The following CLNK variants were observed in gnomAD, a reference collection of about 807,000 sequenced individuals.
CLNK encodes the protein cytokine-dependent hematopoietic cell linker.
CLNK carries 74 observed loss-of-function variants against 68.6 expected under a neutral mutation model. The observed-to-expected ratio is 1.08, with a 90% CI of 0.89 to 1.31. The LOEUF is 1.31. Among genes scored for constraint, CLNK ranks in the 50% most tolerant of loss-of-function variants. The probability of loss-of-function intolerance (pLI) is 0.00; values close to 1 mark genes in which losing one functional copy is unlikely to be tolerated. For synonymous variants in CLNK, 198 were observed against 172.2 expected (o/e 1.15, Z -1.17); for missense variants, 553 against 515.3 (o/e 1.07, Z -0.71).
chr4:10,629,502 G>C (rs1373218493), intron 2 of CLNK, among the ~76,000 whole-genome samples: 1 of 152,210 alleles, frequency 6.6e-6, no homozygotes, highest in Non-Finnish European at 1.5e-5. Flanking sequence ...GGGATCAGAA[G>C]TGGGCACAGC....
At position 10,584,929 on chromosome 4, in the gene CLNK, G is replaced by A; in HGVS notation, c.110C>T (p.Thr37Ile). Residue 37 changes from threonine (T) to isoleucine (I), a missense_variant and splice_region_variant, in exon 4 of 19, where the codon ACA becomes ATA. By Grantham distance (89) the Thr-to-Ile change is moderately conservative. Coordinates refer to ENST00000226951, the MANE Select transcript of CLNK (RefSeq NM_052964.4). ...NRSWPRINSA[T>I]GQYQRMNKPL... ...GGTGACAGAGAGCCCCGACTCACCT[G>A]TGGCACTATTGATGCGAGGCCATGA... is the stretch of plus-strand genomic sequence containing the variant. 1 of 1,613,808 alleles carries A rather than the reference G, an allele frequency of 6.2e-7. No individual in the cohort carries two copies. The highest frequency in any genetic ancestry group is 1.1e-5 in the South Asian group (1 of 90,996).
chr4:10,702,521 C>A, the CLNK span, among the ~76,000 whole-genome samples: 80 of 152,306 alleles, frequency 5.3e-4, no homozygotes, highest in South Asian at 1.0e-3. Flanking sequence ...GAAAGAAGTG[C>A]TGACAGGCAG....
At chr4:10,628,328 T>G (rs1722757263) in intron 2 of CLNK, among the ~76,000 whole-genome samples, 1 of 150,214 alleles carries the variant, frequency 6.7e-6, no homozygotes, top group South Asian at 2.1e-4. Flanking sequence ...TTTTTTTCAC[T>G]CTTTGCTGAA....
intron 2 of CLNK, chr4:10,635,934 C>T (rs370269951): frequency 3.9e-5 from 6 of 152,328 alleles, no homozygotes; most frequent in South Asian, 2.1e-4. Flanking sequence ...GCATAAGACG[C>T]GTTCTCTGCA....
intron 2 of CLNK, among the ~76,000 whole-genome samples, chr4:10,604,582 CTT>C (rs11319798): frequency 6.4e-5 from 9 of 141,368 alleles, no homozygotes; most frequent in African/African-American, 1.0e-4. Context: ...CTTGTCACAG[CTT>C]TTTTTTTTTT....
intron 2 of CLNK, among the ~76,000 whole-genome samples, chr4:10,659,078 C>G (rs1041182602): frequency 6.6e-6 from 1 of 152,146 alleles, no homozygotes; most frequent in Non-Finnish European, 1.5e-5. Flanking sequence ...GTGGTAGGCA[C>G]CTGTAATCCC....
At chr4:10,637,929 A>G (rs574674450) in intron 2 of CLNK, among the ~76,000 whole-genome samples, 2 of 150,958 alleles carry the variant, frequency 1.3e-5, no homozygotes, top group Admixed American at 6.6e-5. Flanking sequence ...TTTATTGCCT[A>G]CTCTCTTAAA....
At chr4:10,531,287 A>G (rs1317413347) in intron 12 of CLNK, 1 of 152,640 alleles carries the variant, frequency 6.6e-6, no homozygotes, top group East Asian at 1.9e-4. Flanking sequence ...GGAAGGCTCT[A>G]CTATAGGTTT....
In CLNK at chr4:10,525,703, G is replaced by A. The variant is rs929289122; in HGVS notation, c.731+138C>T. On this transcript the variant is annotated intron_variant, in intron 14 of 18. Coordinates refer to ENST00000226951, the MANE Select transcript of CLNK (RefSeq NM_052964.4). ...CATCAATAACAGCTGTGATTCACAA[G>A]TTTCTCTTGAGCCTCATTATTGGGC... 8 of 580,074 alleles carry A rather than the reference G, an allele frequency of 1.4e-5. No homozygotes were observed. The African/African-American group carries it at 1.5e-4, about 11-fold the overall frequency. 35.9% of individuals were successfully genotyped at this position (580,074 alleles called of 1,614,324 possible).
At chr4:10,504,875 A>T (rs1014318618) in intron 17 of CLNK, among the ~76,000 whole-genome samples, 2 of 152,238 alleles carry the variant, frequency 1.3e-5, no homozygotes, top group Non-Finnish European at 2.9e-5. Context: ...ATGAAAAGGA[A>T]AATGTGAAGT....
chr4:10,531,664 C>T (rs957209509), intron 12 of CLNK: 55 of 452,106 alleles, frequency 1.2e-4, no homozygotes, highest in Non-Finnish European at 1.9e-4. Context: ...TGATCTTGAA[C>T]CCCTGACCTC....
At chr4:10,490,913 C>A (rs767312552) in intron 18 of CLNK, among the ~76,000 whole-genome samples, 1 of 138,126 alleles carries the variant, frequency 7.2e-6, no homozygotes, top group Non-Finnish European at 1.6e-5. Flanking sequence ...TACAAGCATG[C>A]GCCACCACGC....
At chr4:10,663,033 G>T (rs968407375) in intron 2 of CLNK, among the ~76,000 whole-genome samples, 11 of 152,218 alleles carry the variant, frequency 7.2e-5, no homozygotes, top group African/African-American at 2.7e-4. Flanking sequence ...TGGCTTACTG[G>T]AAAGAGCCCA....
At chr4:10,699,494 C>CTCTCTCTCTATA in the CLNK span, among the ~76,000 whole-genome samples, 70 of 56,936 alleles carry the variant, frequency 1.2e-3, no homozygotes, top group Non-Finnish European at 1.8e-3. Flanking sequence ...CTCTCTCTCT[C>CTCTCTCTCTATA]TATATATATA....
chr4:10,540,848 G>C (rs1577116795), intron 10 of CLNK, among the ~76,000 whole-genome samples: 1 of 152,174 alleles, frequency 6.6e-6, no homozygotes. Flanking sequence ...TAGGAGGCCT[G>C]TGGAGAAAAT....
intron 3 of CLNK, among the ~76,000 whole-genome samples, chr4:10,589,844 C>T (rs1721120328): frequency 6.6e-6 from 1 of 152,064 alleles, no homozygotes; most frequent in African/African-American, 2.4e-5. Flanking sequence ...TGTACTCTAT[C>T]TGTGCTCAAG....
At chr4:10,618,574 A>C (rs1463453220) in intron 2 of CLNK, among the ~76,000 whole-genome samples, 4 of 152,222 alleles carry the variant, frequency 2.6e-5, no homozygotes, top group African/African-American at 4.8e-5. Context: ...GAAATACCTT[A>C]GACTGGGTAA....
At chr4:10,536,067 C>G (rs958166948) in intron 11 of CLNK, among the ~76,000 whole-genome samples, 7 of 152,170 alleles carry the variant, frequency 4.6e-5, no homozygotes, top group African/African-American at 1.7e-4. Context: ...AAGAGAATAG[C>G]AGAGCTGGCA....
chr4:10,688,318 C>T (rs1031228311), upstream of CLNK, among the ~76,000 whole-genome samples: 1 of 152,176 alleles, frequency 6.6e-6, no homozygotes, highest in African/African-American at 2.4e-5. Flanking sequence ...GTCAAGTTTT[C>T]ACTTTCTGAA....
Sources: gnomAD v4.1 joint callset for allele counts (sites outside exome capture counted in the v4.1 genomes callset) on GRCh38, gnomAD v4.1.1 for gene constraint, MANE v1.5 for transcripts, NCBI Gene and HGNC (gene_info 2026-07-23, HGNC 2026-07-21) for gene names.